SNUPN: variants seen among roughly 807,000 people sequenced by gnomAD.
The protein encoded by SNUPN is snurportin 1.
A neutral mutation model predicts 39.2 loss-of-function variants in SNUPN; 31 were observed. That is an observed-to-expected ratio of 0.79 (90% CI 0.59 to 1.07). The LOEUF (loss-of-function observed/expected upper bound fraction) is 1.07. Ranked by LOEUF, SNUPN falls within the 50% of genes least tolerant of loss-of-function variation. The pLI is 0.00. For synonymous variants in SNUPN, 132 were observed against 159.0 expected (o/e 0.83, Z 1.28); for missense variants, 382 against 434.2 (o/e 0.88, Z 1.07).
Position 75,599,991 on chromosome 15 carries a change from G to A in SNUPN, c.759+1147C>T, listed in dbSNP as rs567838737. ...TTCCCAAGTAGCTGGGACTACAGGC[G>A]TGTGCCACCATGCCTGGCTAATTTT... On this transcript the variant is annotated intron_variant, in intron 8 of 8. Transcript: ENST00000308588. Among the ~76,000 whole-genome samples, 21 of 151,844 alleles carry A rather than the reference G, an allele frequency of 1.4e-4. No homozygotes were observed. In the East Asian group the frequency reaches 2.5e-3, roughly 18 times the overall value.
intron 7 of SNUPN, among the ~76,000 whole-genome samples, chr15:75,601,957 A>G (rs1036435317): frequency 1.3e-5 from 2 of 152,098 alleles, no homozygotes; most frequent in African/African-American, 4.8e-5. Flanking sequence ...AGCTCACTGC[A>G]TCCTCAAATT....
At chr15:75,622,002 C>T (rs1202411415) in intron 1 of SNUPN, among the ~76,000 whole-genome samples, 1 of 152,152 alleles carries the variant, frequency 6.6e-6, no homozygotes, top group Non-Finnish European at 1.5e-5. Context: ...TGCCACTGCA[C>T]TCCAGCCTGG....
At chr15:75,605,087 G>C (rs376416925) in intron 7 of SNUPN, 63 bp downstream of exon 7, 2 of 983,744 alleles carry the variant, frequency 2.0e-6, no homozygotes, top group Non-Finnish European at 1.6e-6. Context: ...ATTATATTTA[G>C]ATAACAGACC....
intron 1 of SNUPN, among the ~76,000 whole-genome samples, chr15:75,624,496 TA>T (rs59069672): frequency 0.58 from 71,667 of 123,748 alleles, 20,565 homozygotes; most frequent in African/African-American, 0.74. Context: ...CCGTCTCTAC[TA>T]AAAAAAAAAA....
Position 75,609,668 on chromosome 15 carries a change from T to C in SNUPN, c.409-17A>G. On this transcript the variant is annotated splice_polypyrimidine_tract_variant and intron_variant, in intron 4 of 8. Transcript: ENST00000308588. Reference sequence around the variant, plus strand: ...GGTAGAACCCTGCATGGAGAGAAAGTTACCATTCTTATTAGACCTCAAGGT... The same window carrying C: ...GGTAGAACCCTGCATGGAGAGAAAGCTACCATTCTTATTAGACCTCAAGGT... 6.3e-7 allele frequency: 1 copy of C among 1,577,902 alleles called. No homozygotes were observed. The highest frequency in any genetic ancestry group is 8.7e-7 in the Non-Finnish European group (1 of 1,155,212).
chr15:75,603,054 A>AT (rs34075827), intron 7 of SNUPN, among the ~76,000 whole-genome samples: 10,322 of 137,278 alleles, frequency 0.075, 444 homozygotes, highest in East Asian at 0.15. Context: ...TGGCCCAGGT[A>AT]TTTTTTTTTT....
In SNUPN at chr15:75,620,968, T is replaced by A. The variant is rs959501177; in HGVS notation, c.84A>T (p.Leu28=). ...AACTGTACTTGGACTTGTACTGGGA[T>A]AGGCGGGGGTGTGGGGCAGCTGTGC... is the stretch of plus-strand genomic sequence containing the variant. The part of the protein sequence containing the change: ...LNSTAAPHPR[L]SQYKSKYSSL... Residue 28 remains leucine (L), a synonymous_variant, in exon 2 of 9, where the codon CTA becomes CTT. Transcript: ENST00000308588. 16 of 1,614,016 alleles carry A rather than the reference T, an allele frequency of 9.9e-6. No homozygotes were observed. The African/African-American group carries it at 1.6e-4, about 16-fold the overall frequency.
At chr15:75,624,709 C>T in intron 1 of SNUPN, 1 of 1,262,124 alleles carries the variant, frequency 7.9e-7, no homozygotes, top group South Asian at 1.3e-5. Context: ...GGGGCGGTTC[C>T]TTTACCTTCC....
chr15:75,602,615 G>T (rs942716707), intron 7 of SNUPN, among the ~76,000 whole-genome samples: 3 of 150,430 alleles, frequency 2.0e-5, no homozygotes, highest in Admixed American at 1.3e-4. Flanking sequence ...GTTTTTTGTT[G>T]TTTTTTTTGA....
intron 7 of SNUPN, among the ~76,000 whole-genome samples, chr15:75,601,667 G>C (rs2075288154): frequency 6.6e-6 from 1 of 152,104 alleles, no homozygotes; most frequent in African/African-American, 2.4e-5. Flanking sequence ...AGGATCGCTT[G>C]AGCCTGAGGT....
At chr15:75,599,353 G>T (rs908777241) in intron 8 of SNUPN, among the ~76,000 whole-genome samples, 2 of 152,134 alleles carry the variant, frequency 1.3e-5, no homozygotes, top group African/African-American at 4.8e-5. Context: ...ACTTCAACTT[G>T]AACTCTGGTC....
intron 1 of SNUPN, among the ~76,000 whole-genome samples, chr15:75,623,514 G>C (rs940556747): frequency 6.7e-6 from 1 of 149,930 alleles, no homozygotes; most frequent in Non-Finnish European, 1.5e-5. Context: ...GTGTGATCTC[G>C]GCTCACTGCA....
intron 3 of SNUPN, among the ~76,000 whole-genome samples, chr15:75,610,459 A>C (rs1892751110): frequency 6.7e-6 from 1 of 150,302 alleles, no homozygotes. Context: ...CCTCCACCCC[A>C]TGTGCTCTAG....
chr15:75,604,247 G>C (rs899801013), intron 7 of SNUPN, among the ~76,000 whole-genome samples: 27 of 135,736 alleles, frequency 2.0e-4, no homozygotes, highest in Admixed American at 9.4e-4. Context: ...TGCAACCTCC[G>C]CCTCCCAGGT....
intron 5 of SNUPN, among the ~76,000 whole-genome samples, chr15:75,607,738 G>T (rs1369004424): frequency 6.6e-6 from 1 of 152,140 alleles, no homozygotes; most frequent in East Asian, 1.9e-4. Context: ...TGGTTAAGGG[G>T]ATAAGATGAT....
intron 2 of SNUPN, among the ~76,000 whole-genome samples, chr15:75,620,325 G>A (rs1022490392): frequency 2.0e-5 from 3 of 152,104 alleles, no homozygotes; most frequent in Non-Finnish European, 2.9e-5. Context: ...TACAAGGATC[G>A]GCCCTGCCTT....
chr15:75,621,072 T>C lies in SNUPN; in HGVS notation c.-5-16A>G. ...TCCATCTTCCCTACAAAGGAAAACG[T>C]AAGAAAATGGTTCATTCATTTCATA... On this transcript the variant is annotated splice_polypyrimidine_tract_variant and intron_variant, in intron 1 of 8. Coordinates refer to ENST00000308588, the MANE Select transcript of SNUPN (RefSeq NM_005701.4). 6.2e-7 allele frequency: 1 copy of C among 1,613,202 alleles called. No individual in the cohort carries two copies. Among genetic ancestry groups the C allele is most frequent in the Non-Finnish European group, 8.5e-7 (1 of 1,179,582 alleles).
upstream of SNUPN, chr15:75,626,446 A>T (rs182491346): frequency 1.3e-4 from 20 of 152,348 alleles, no homozygotes; most frequent in East Asian, 3.3e-3. Flanking sequence ...AAGTCCTGCC[A>T]GGGTGTAGCC....
At chr15:75,599,604 G>T (rs950545385) in intron 8 of SNUPN, among the ~76,000 whole-genome samples, 24 of 152,190 alleles carry the variant, frequency 1.6e-4, no homozygotes, top group Non-Finnish European at 5.9e-5. Context: ...TCAACGGGAA[G>T]ACCTCCTACA....
Sources: allele counts gnomAD v4.1 joint callset (sites outside exome capture counted in the v4.1 genomes callset), GRCh38; gene constraint gnomAD v4.1.1; transcripts MANE v1.5; gene names NCBI Gene and HGNC (gene_info 2026-07-23, HGNC 2026-07-21).